The following TSNARE1 variants were observed in gnomAD, a reference collection of about 807,000 sequenced individuals.
The protein encoded by TSNARE1 is t-SNARE domain containing 1.
Under a neutral mutation model 62.0 loss-of-function variants are expected in TSNARE1, and 49 were observed. The observed-to-expected ratio is 0.79, with a 90% CI of 0.63 to 1.00. TSNARE1 has a LOEUF of 1.00. TSNARE1 is among the 50% of genes least tolerant of loss of function. The pLI, the probability that TSNARE1 is intolerant of heterozygous loss-of-function variation, is 0.00. For missense variants in TSNARE1, 755 were observed against 700.1 expected (o/e 1.08, Z -0.88); for synonymous variants, 328 against 294.4 (o/e 1.11, Z -1.17).
intron 1 of TSNARE1, among the ~76,000 whole-genome samples, chr8:142,395,092 C>T (rs13277505): frequency 3.9e-5 from 6 of 152,056 alleles, no homozygotes; most frequent in Admixed American, 3.3e-4. Flanking sequence ...GGAAGGGGGG[C>T]GGCCCCGTGC....
intron 1 of TSNARE1, among the ~76,000 whole-genome samples, chr8:142,387,617 T>G (rs988672840): frequency 6.6e-6 from 1 of 151,976 alleles, no homozygotes; most frequent in African/African-American, 2.4e-5. Context: ...ATCATTTTAC[T>G]CAAGCCTACA....
intron 1 of TSNARE1, among the ~76,000 whole-genome samples, chr8:142,385,700 C>T (rs1837068512): frequency 6.6e-6 from 1 of 152,164 alleles, no homozygotes; most frequent in African/African-American, 2.4e-5. Flanking sequence ...GAGAAAGGTA[C>T]TATTGTCATC....
upstream of TSNARE1, chr8:142,404,837 C>G (rs938705404): frequency 4.6e-5 from 7 of 152,234 alleles, no homozygotes; most frequent in African/African-American, 1.7e-4. Context: ...CTGGCGCTGT[C>G]TGTCTGGCCG....
chr8:142,322,830 A>G (rs562146916), intron 6 of TSNARE1, among the ~76,000 whole-genome samples: 6 of 151,684 alleles, frequency 4.0e-5, no homozygotes, highest in African/African-American at 1.5e-4. Flanking sequence ...GGACAACGAT[A>G]CTATTACGAA....
intron 9 of TSNARE1, among the ~76,000 whole-genome samples, chr8:142,311,159 T>G (rs534923169): frequency 1.2e-4 from 18 of 150,992 alleles, no homozygotes; most frequent in South Asian, 6.3e-4. Flanking sequence ...CAAGGGTGGT[T>G]GTTTTTTTTT....
chr8:142,404,714 C>G (rs1255332156), upstream of TSNARE1: 2 of 152,312 alleles, frequency 1.3e-5, no homozygotes, highest in East Asian at 1.9e-4. Flanking sequence ...CTGCTGACCC[C>G]CCAGCTTCCA....
intron 5 of TSNARE1, 86 bp from the exon 6 acceptor site, chr8:142,331,056 G>C: frequency 7.9e-7 from 1 of 1,265,734 alleles, no homozygotes. Context: ...ACTGCAGCCC[G>C]GGCAGGGTGA....
At chr8:142,399,965 C>T (rs563571046) in intron 1 of TSNARE1, among the ~76,000 whole-genome samples, 99 of 152,144 alleles carry the variant, frequency 6.5e-4, no homozygotes, top group Non-Finnish European at 1.2e-3. Context: ...GAGGCTGAGG[C>T]CAGAGGATGG....
chr8:142,384,054 G>A (rs1450339295), intron 1 of TSNARE1, among the ~76,000 whole-genome samples: 3 of 152,172 alleles, frequency 2.0e-5, no homozygotes, highest in Non-Finnish European at 4.4e-5. Context: ...CATGGCCACT[G>A]ACCCAGAACT....
chr8:142,323,628 G>A (rs1308246893), intron 6 of TSNARE1, among the ~76,000 whole-genome samples: 2 of 152,240 alleles, frequency 1.3e-5, no homozygotes, highest in East Asian at 3.8e-4. Flanking sequence ...AGGCCGAGGT[G>A]CCTCAGCAAG....
At chr8:142,236,262 C>T (rs974381840) in intron 12 of TSNARE1, among the ~76,000 whole-genome samples, 3 of 152,096 alleles carry the variant, frequency 2.0e-5, no homozygotes, top group South Asian at 2.1e-4. Flanking sequence ...GACCCACCCC[C>T]GAGATACATG....
chr8:142,299,844 G>A (rs1563859440), intron 10 of TSNARE1, among the ~76,000 whole-genome samples: 1 of 152,246 alleles, frequency 6.6e-6, no homozygotes, highest in African/African-American at 2.4e-5. Flanking sequence ...TGTCTTAAGA[G>A]ATTAACCATA....
At chr8:142,357,561 G>C (rs1358246338) in intron 1 of TSNARE1, among the ~76,000 whole-genome samples, 1 of 152,232 alleles carries the variant, frequency 6.6e-6, no homozygotes, top group African/African-American at 2.4e-5. Context: ...AGGGAGGAGG[G>C]TGGAGCTAGG....
chr8:142,351,632 T>A (rs552113287), intron 2 of TSNARE1, among the ~76,000 whole-genome samples: 4 of 152,054 alleles, frequency 2.6e-5, no homozygotes, highest in Non-Finnish European at 5.9e-5. Flanking sequence ...ATGGTCAACA[T>A]CAAACCGCCA....
intron 6 of TSNARE1, among the ~76,000 whole-genome samples, chr8:142,328,768 G>C (rs372532395): frequency 6.7e-6 from 1 of 148,458 alleles, no homozygotes. Flanking sequence ...CCATGGGATC[G>C]CAACGTGGCC....
At chr8:142,310,735 G>C (rs1827439110) in intron 9 of TSNARE1, among the ~76,000 whole-genome samples, 1 of 152,106 alleles carries the variant, frequency 6.6e-6, no homozygotes, top group Non-Finnish European at 1.5e-5. Context: ...TTTTTTCTCT[G>C]ACTTTAATGT....
intron 1 of TSNARE1, among the ~76,000 whole-genome samples, chr8:142,380,712 C>G (rs1448139288): frequency 6.6e-6 from 1 of 152,158 alleles, no homozygotes; most frequent in African/African-American, 2.4e-5. Context: ...TGGTAAAATA[C>G]CCGTAACGGA....
chr8:142,274,934 A>G (rs978567893), intron 11 of TSNARE1, 71 bp from the exon 12 acceptor site: 1 of 1,420,082 alleles, frequency 7.0e-7, no homozygotes, highest in Non-Finnish European at 9.3e-7. Context: ...GACACCCCCC[A>G]AAGGCAAGCC....
intron 12 of TSNARE1, among the ~76,000 whole-genome samples, chr8:142,256,283 CCAT>C (rs1189825369): frequency 1.9e-5 from 2 of 104,206 alleles, no homozygotes; most frequent in East Asian, 2.8e-4. Flanking sequence ...ACCACCATTA[CCAT>C]CATCACCACA....
Sources: gnomAD v4.1 joint callset for allele counts (sites outside exome capture counted in the v4.1 genomes callset) on GRCh38, gnomAD v4.1.1 for gene constraint, MANE v1.5 for transcripts, NCBI Gene and HGNC (gene_info 2026-07-23, HGNC 2026-07-21) for gene names.